RIPOR2: variants seen among roughly 807,000 people sequenced by gnomAD.
The protein encoded by RIPOR2 is rho family-interacting cell polarization regulator 2.
Under a neutral mutation model 114.5 loss-of-function variants are expected in RIPOR2, and 39 were observed. The ratio of observed to expected loss-of-function variants is 0.34; its 90% CI spans 0.26 to 0.44. The LOEUF (loss-of-function observed/expected upper bound fraction) is 0.44. Ranked by LOEUF, RIPOR2 falls within the 20% of genes least tolerant of loss-of-function variation. The pLI is 1.00. For synonymous variants in RIPOR2, 445 were observed against 484.4 expected (o/e 0.92, Z 1.07); for missense variants, 1,007 against 1,255.1 (o/e 0.80, Z 2.99).
chr6:24,983,755 T>TC (rs1561825577), intron 1 of RIPOR2, among the ~76,000 whole-genome samples: 4 of 18,760 alleles, frequency 2.1e-4, no homozygotes, highest in African/African-American at 1.0e-3. Flanking sequence ...AGACTGTGTC[T>TC]CAAAAAAAAA....
intron 1 of RIPOR2, among the ~76,000 whole-genome samples, chr6:25,010,639 C>T (rs899014011): frequency 5.3e-5 from 8 of 152,244 alleles, no homozygotes; most frequent in Admixed American, 1.3e-4. Context: ...GCTATGGGAG[C>T]GCCAGGATTT....
At chr6:24,987,596 A>T (rs574028411) in intron 1 of RIPOR2, among the ~76,000 whole-genome samples, 1 of 152,342 alleles carries the variant, frequency 6.6e-6, no homozygotes, top group Admixed American at 6.5e-5. Flanking sequence ...GTCCATTAAG[A>T]TGCTTACAAC....
upstream of RIPOR2, among the ~76,000 whole-genome samples, chr6:24,938,288 A>G (rs1348463161): frequency 6.6e-6 from 1 of 152,140 alleles, no homozygotes; most frequent in Non-Finnish European, 1.5e-5. Context: ...GGAACACCAA[A>G]GACTGCCAGT....
At chr6:24,810,691 A>C (rs771495969) in intron 20 of RIPOR2, among the ~76,000 whole-genome samples, 1 of 152,176 alleles carries the variant, frequency 6.6e-6, no homozygotes, top group Non-Finnish European at 1.5e-5. Context: ...TGTCACTGAT[A>C]TATCACTGGA....
At chr6:24,917,906 A>T (rs1466560904) in intron 1 of RIPOR2, among the ~76,000 whole-genome samples, 2 of 152,206 alleles carry the variant, frequency 1.3e-5, no homozygotes, top group Non-Finnish European at 2.9e-5. Context: ...ATCAGGGGAA[A>T]CATTAAAAAA....
At chr6:24,897,670 G>A (rs1020892766) in intron 1 of RIPOR2, among the ~76,000 whole-genome samples, 39 of 152,122 alleles carry the variant, frequency 2.6e-4, no homozygotes, top group Non-Finnish European at 2.2e-4. Context: ...AGTTGGCTCC[G>A]AGGCAATTTC....
chr6:24,932,283 T>C (rs1771455782), intron 1 of RIPOR2, among the ~76,000 whole-genome samples: 1 of 151,868 alleles, frequency 6.6e-6, no homozygotes, highest in Non-Finnish European at 1.5e-5. Flanking sequence ...CTAAATGACG[T>C]GATGATGTTG....
At chr6:24,834,974 A>G (rs1003987528) in intron 15 of RIPOR2, among the ~76,000 whole-genome samples, 1 of 152,192 alleles carries the variant, frequency 6.6e-6, no homozygotes, top group Non-Finnish European at 1.5e-5. Context: ...ACATACACCC[A>G]AGCAAGCTGG....
upstream of RIPOR2, among the ~76,000 whole-genome samples, chr6:24,940,332 G>T (rs1034632441): frequency 6.6e-6 from 1 of 152,122 alleles, no homozygotes; most frequent in Non-Finnish European, 1.5e-5. Flanking sequence ...TTCTCTCTGT[G>T]CTTCTGGAGA....
intron 12 of RIPOR2, chr6:24,847,587 G>T (rs1762439684): frequency 1.9e-6 from 3 of 1,551,714 alleles, no homozygotes; most frequent in South Asian, 1.2e-5. Flanking sequence ...GGGAGGGCAG[G>T]TCACTGAAGG....
chr6:25,024,498 G>T, intron 1 of RIPOR2: 2 of 767,634 alleles, frequency 2.6e-6, no homozygotes, highest in Non-Finnish European at 4.5e-6. Context: ...GTCTGGGATT[G>T]GAGGCGCGAG....
intron 1 of RIPOR2, among the ~76,000 whole-genome samples, chr6:25,019,808 GAAAGAAAAAGAAA>G (rs1206066966): frequency 2.3e-5 from 3 of 128,952 alleles, no homozygotes; most frequent in Admixed American, 7.6e-5. Flanking sequence ...AGAAAAGAAA[GAAAGAAAAAGAAA>G]AAAGAAAAAG....
chr6:25,017,530 C>T (rs544083960), intron 1 of RIPOR2, among the ~76,000 whole-genome samples: 1 of 152,342 alleles, frequency 6.6e-6, no homozygotes, highest in South Asian at 2.1e-4. Flanking sequence ...TTCTTTAAGA[C>T]TTAATTCAGG....
chr6:24,828,773 GGAAAA>G (rs1472777330), intron 17 of RIPOR2, among the ~76,000 whole-genome samples: 1 of 151,616 alleles, frequency 6.6e-6, no homozygotes, highest in Non-Finnish European at 1.5e-5. Flanking sequence ...AAGTGAGAGA[GGAAAA>G]GAGAAGGAAG....
chr6:24,981,319 C>T (rs115218522), intron 1 of RIPOR2, among the ~76,000 whole-genome samples: 1,549 of 152,292 alleles, frequency 0.01, 21 homozygotes, highest in African/African-American at 0.026. Context: ...TTACCCTGCG[C>T]ACTTTTTCTT....
At chr6:24,974,105 G>C (rs1008627565) in intron 1 of RIPOR2, among the ~76,000 whole-genome samples, 22 of 152,108 alleles carry the variant, frequency 1.4e-4, no homozygotes, top group Non-Finnish European at 2.1e-4. Flanking sequence ...AATAAGTTGT[G>C]TTGGGTGGTG....
exon 1 of RIPOR2, chr6:25,041,916 G>C (rs1029467883): frequency 1.6e-5 from 11 of 702,756 alleles, no homozygotes; most frequent in Non-Finnish European, 2.6e-5. Context: ...TAATCGCGAA[G>C]GTAACACCAT....
intron 1 of RIPOR2, among the ~76,000 whole-genome samples, chr6:25,005,094 C>T (rs1259734325): frequency 6.6e-6 from 1 of 152,052 alleles, no homozygotes; most frequent in African/African-American, 2.4e-5. Flanking sequence ...AATTCTTTCA[C>T]CCTTAAGCTA....
intron 1 of RIPOR2, among the ~76,000 whole-genome samples, chr6:24,886,616 T>C (rs1467788030): frequency 6.6e-6 from 1 of 152,206 alleles, no homozygotes. Context: ...TGTTTTCTTG[T>C]GATAAAGAGT....
Sources: allele counts gnomAD v4.1 joint callset (sites outside exome capture counted in the v4.1 genomes callset), GRCh38; gene constraint gnomAD v4.1.1; transcripts MANE v1.5; gene names NCBI Gene and HGNC (gene_info 2026-07-23, HGNC 2026-07-21).